Variants in PM20D2 observed in about 807,000 individuals in gnomAD.
PM20D2 encodes xaa-Arg dipeptidase.
A neutral mutation model predicts 42.9 loss-of-function variants in PM20D2; 33 were observed. The ratio of observed to expected loss-of-function variants is 0.77; its 90% CI spans 0.58 to 1.03. PM20D2 has a LOEUF of 1.03. Ranked by LOEUF, PM20D2 falls within the 50% of genes least tolerant of loss-of-function variation. The probability of loss-of-function intolerance (pLI) is 0.00; values close to 1 mark genes in which losing one functional copy is unlikely to be tolerated. For synonymous variants in PM20D2, 250 were observed against 228.2 expected (o/e 1.10, Z -0.86); for missense variants, 548 against 557.0 (o/e 0.98, Z 0.16).
intron 2 of PM20D2, among the ~76,000 whole-genome samples, chr6:89,150,275 T>A (rs1188027953): frequency 6.6e-6 from 1 of 152,208 alleles, no homozygotes; most frequent in East Asian, 1.9e-4. Context: ...AAATTGGTAC[T>A]GTGGCAGTAG....
At chr6:89,160,583 C>G (rs1380902442) in intron 5 of PM20D2, among the ~76,000 whole-genome samples, 4 of 152,166 alleles carry the variant, frequency 2.6e-5, no homozygotes, top group Admixed American at 1.3e-4. Flanking sequence ...ATTTATTCAA[C>G]AAGTGCCTGT....
the PM20D2 span, among the ~76,000 whole-genome samples, chr6:89,121,961 A>T: frequency 1.6e-4 from 24 of 152,354 alleles, no homozygotes; most frequent in Middle Eastern, 3.4e-3. Context: ...AAACTTTTTC[A>T]TTGGAATCAC....
chr6:89,127,856 T>G, the PM20D2 span, among the ~76,000 whole-genome samples: 1 of 152,218 alleles, frequency 6.6e-6, no homozygotes, highest in East Asian at 1.9e-4. Context: ...GAACATAAAT[T>G]GTGAAGATTT....
At chr6:89,130,567 T>G in the PM20D2 span, among the ~76,000 whole-genome samples, 11 of 152,250 alleles carry the variant, frequency 7.2e-5, no homozygotes, top group East Asian at 2.1e-3. Context: ...AGTCTTCACT[T>G]CTGAAGAGGA....
At chr6:89,134,307 C>T in the PM20D2 span, among the ~76,000 whole-genome samples, 3 of 151,192 alleles carry the variant, frequency 2.0e-5, no homozygotes, top group East Asian at 1.9e-4. Flanking sequence ...TATGCATCTA[C>T]GCCCTAAGCC....
the PM20D2 span, among the ~76,000 whole-genome samples, chr6:89,099,426 G>A: frequency 0.75 from 104,527 of 140,006 alleles, 38,912 homozygotes; most frequent in East Asian, 0.79. Flanking sequence ...ATATATATAT[G>A]TGTGTATATA....
chr6:89,097,795 T>C, the PM20D2 span: 29 of 152,326 alleles, frequency 1.9e-4, no homozygotes, highest in Middle Eastern at 3.4e-3. Flanking sequence ...TCAAATATGA[T>C]TTTATACAAA....
chr6:89,129,521 C>T, the PM20D2 span, among the ~76,000 whole-genome samples: 4 of 151,640 alleles, frequency 2.6e-5, no homozygotes, highest in African/African-American at 9.7e-5. Context: ...ATAAATTACT[C>T]AGTTTCAGGT....
At chr6:89,103,572 G>A in the PM20D2 span, among the ~76,000 whole-genome samples, 1 of 151,766 alleles carries the variant, frequency 6.6e-6, no homozygotes, top group Non-Finnish European at 1.5e-5. Flanking sequence ...CAGGTGATCC[G>A]CCCCCGCCCT....
the PM20D2 span, among the ~76,000 whole-genome samples, chr6:89,119,046 G>T: frequency 6.6e-6 from 1 of 152,194 alleles, no homozygotes; most frequent in Non-Finnish European, 1.5e-5. Context: ...GAAGTGGTAG[G>T]CTTTGAAGAA....
At chr6:89,155,878 A>AT (rs11371350) in intron 4 of PM20D2, among the ~76,000 whole-genome samples, 73,199 of 143,132 alleles carry the variant, frequency 0.51, 18,442 homozygotes, top group East Asian at 0.74. Flanking sequence ...CACCTGGCTA[A>AT]TTTTTTTTTT....
rs1200001254 is a variant in PM20D2, at chr6:89,146,322, C to G, written c.178C>G (p.Arg60Gly). 5 of 1,575,330 alleles carry G rather than the reference C, an allele frequency of 3.2e-6. No individual in the cohort carries two copies. In the South Asian group the frequency reaches 5.7e-5, roughly 18 times the overall value. The change falls in exon 1 of 7, where the codon CGC becomes GGC. Residue 60 changes from arginine (R) to glycine (G), a missense_variant. Around this residue, in one of 3 missense-constraint regions of PM20D2, gnomAD observed 470 missense variants for 464.4 expected, o/e 1.01. Transcript: ENST00000275072. ...GGCCTACGAGGAGCACCATGCCCAC[C>G]GCGTGCTGACGCACTTCTTCGAGCG... The part of the protein sequence containing the change: ...ELAYEEHHAH[R>G]VLTHFFEREP...
At position 89,154,899 on chromosome 6, in the gene PM20D2, C is replaced by T. The variant is rs1770981163; in HGVS notation, c.909C>T (p.Cys303=). The change falls in exon 4 of 7, where the codon TGC becomes TGT. Residue 303 remains cysteine (C), a synonymous_variant. Coordinates refer to ENST00000275072, the MANE Select transcript of PM20D2 (RefSeq NM_001010853.3). The stretch of plus-strand genomic sequence containing the variant: ...GAGCTGCAGCTTTGGCTTCAGGGTG[C>T]ACAGTAAGAACTTTTAAAAGTTAAT... ...CFRAAALASG[C]TVEIKGGAHD... 6.3e-7 allele frequency: 1 copy of T among 1,584,992 alleles called. No homozygotes were observed. The highest frequency in any genetic ancestry group is 8.6e-7 in the Non-Finnish European group (1 of 1,169,414).
At chr6:89,133,360 C>A in the PM20D2 span, among the ~76,000 whole-genome samples, 1 of 151,052 alleles carries the variant, frequency 6.6e-6, no homozygotes, top group East Asian at 1.9e-4. Context: ...TATTTGTTTT[C>A]TCTATACATA....
At chr6:89,098,767 T>G in the PM20D2 span, 2 of 1,613,988 alleles carry the variant, frequency 1.2e-6, no homozygotes, top group Non-Finnish European at 1.7e-6. Flanking sequence ...GCTTTTGAGG[T>G]GAACTTGACT....
the PM20D2 span, among the ~76,000 whole-genome samples, chr6:89,109,648 G>C: frequency 6.6e-6 from 1 of 152,298 alleles, no homozygotes; most frequent in Non-Finnish European, 1.5e-5. Context: ...GAGTCAGATG[G>C]AACAGGTCTT....
the PM20D2 span, among the ~76,000 whole-genome samples, chr6:89,116,432 A>G: frequency 6.6e-6 from 1 of 152,238 alleles, no homozygotes; most frequent in African/African-American, 2.4e-5. Context: ...TAACTAAGAT[A>G]TATTAACCAC....
intron 5 of PM20D2, among the ~76,000 whole-genome samples, chr6:89,160,497 C>T (rs1771200456): frequency 6.6e-6 from 1 of 151,914 alleles, no homozygotes; most frequent in Non-Finnish European, 1.5e-5. Context: ...TCTCACTTTG[C>T]CTGCATGGTG....
chr6:89,122,726 A>C, the PM20D2 span, among the ~76,000 whole-genome samples: 7 of 152,206 alleles, frequency 4.6e-5, no homozygotes, highest in Non-Finnish European at 7.3e-5. Context: ...CCTTGAAGAA[A>C]CAGTGTCAGG....
Sources: gnomAD v4.1 joint callset for allele counts (sites outside exome capture counted in the v4.1 genomes callset) on GRCh38, gnomAD v4.1.1 for gene constraint, gnomAD v4.1.1 regional missense constraint, MANE v1.5 for transcripts, NCBI Gene and HGNC (gene_info 2026-07-23, HGNC 2026-07-21) for gene names.